Variants in RBM28 observed in about 807,000 individuals in gnomAD.
RBM28 encodes RNA-binding protein 28.
RBM28 carries 78 observed loss-of-function variants against 98.3 expected under a neutral mutation model. That is an observed-to-expected ratio of 0.79 (90% CI 0.66 to 0.96). RBM28 has a LOEUF of 0.96. Among genes scored for constraint, RBM28 ranks in the 40% least tolerant of loss-of-function variants. The pLI is 0.00. For missense variants in RBM28, 838 were observed against 913.0 expected (o/e 0.92, Z 1.06); for synonymous variants, 306 against 330.9 (o/e 0.92, Z 0.82).
chr7:128,310,707 C>A lies in RBM28; in HGVS notation c.*90G>T. 6.5e-7 allele frequency: 1 copy of A among 1,548,540 alleles called. No individual in the cohort carries two copies. Among genetic ancestry groups the A allele is most frequent in the South Asian group, 1.1e-5 (1 of 89,680 alleles). ...GCAGTGCCCTTGGGGATTTTCTTTC[C>A]CTCAGTGAGAGACACGGGGGATGGG... On this transcript the variant is annotated 3_prime_UTR_variant, in exon 19 of 19. Transcript: ENST00000223073.
In RBM28 at chr7:128,318,137, T is replaced by C. The variant is rs762231412; in HGVS notation, c.1564-31A>G. On this transcript the variant is annotated intron_variant, in intron 14 of 18. Coordinates refer to ENST00000223073, the MANE Select transcript of RBM28 (RefSeq NM_018077.3). Reference sequence around the variant, plus strand: ...AGTAGAGCAAGAAAAAAATCAGTAATTACAGAATGAGAAGACTTGCCTGAC... The same window carrying C: ...AGTAGAGCAAGAAAAAAATCAGTAACTACAGAATGAGAAGACTTGCCTGAC... The C allele has an allele frequency of 7.6e-6, 12 of 1,586,386 alleles. 1 individual carries two copies. The Admixed American group carries it at 1.2e-4, about 16-fold the overall frequency.
At chr7:128,339,814 G>C (rs1187159709) in intron 1 of RBM28, 23 bp from the exon 2 acceptor site, 5 of 1,611,254 alleles carry the variant, frequency 3.1e-6, no homozygotes, top group Non-Finnish European at 4.2e-6. Flanking sequence ...AGTGGGGAGG[G>C]AGTGGAGGGG....
At position 128,310,697 on chromosome 7, in the gene RBM28, A is replaced by AT. The variant is rs556690029; in HGVS notation, c.*99dup. 3,595 of 1,508,430 alleles carry AT rather than the reference A, an allele frequency of 2.4e-3. 67 individuals are homozygous for AT. In the South Asian group the frequency reaches 0.03, roughly 13 times the overall value. 93.4% of individuals were successfully genotyped at this position (1,508,430 alleles called of 1,614,324 possible). A position where few individuals can be genotyped will look rare whatever the true frequency, so the allele number is the denominator to read the frequency against. ...GAGCACAGTGGCAGTGCCCTTGGGG[A>AT]TTTTCTTTCCCTCAGTGAGAGACAC... On this transcript the variant is annotated 3_prime_UTR_variant, in exon 19 of 19. Transcript: ENST00000223073.
In RBM28 at chr7:128,302,634, G is replaced by A. The variant is rs1173193424; in HGVS notation, c.*8163C>T. ...TCAGACTCTCTTTTTTCACCTATTAGTATGTATATGAGTACATTTGGCTTG... is the reference window on the plus strand; with the variant it reads ...TCAGACTCTCTTTTTTCACCTATTAATATGTATATGAGTACATTTGGCTTG... On this transcript the variant is annotated 3_prime_UTR_variant, in exon 19 of 19. Coordinates refer to ENST00000223073, the MANE Select transcript of RBM28 (RefSeq NM_018077.3). 1.3e-5 allele frequency: 2 copies of A among 152,054 alleles called. No individual in the cohort carries two copies. The highest frequency in any genetic ancestry group is 6.5e-5 in the Admixed American group (1 of 15,276). The allele number at this position is 152,054 out of a possible 1,614,324, so 9.4% of individuals were successfully genotyped here.
chr7:128,322,201 T>C (rs1796251528), intron 13 of RBM28, among the ~76,000 whole-genome samples: 1 of 152,208 alleles, frequency 6.6e-6, no homozygotes, highest in Non-Finnish European at 1.5e-5. Context: ...AAAGAATACT[T>C]GACAGAATGC....
chr7:128,340,609 A>C (rs1051931211), intron 1 of RBM28, among the ~76,000 whole-genome samples: 6 of 152,228 alleles, frequency 3.9e-5, no homozygotes, highest in Non-Finnish European at 7.3e-5. Flanking sequence ...AGCTTCAAAA[A>C]TCAGAACACA....
At chr7:128,322,962 T>A (rs1796268662) in intron 13 of RBM28, among the ~76,000 whole-genome samples, 1 of 152,130 alleles carries the variant, frequency 6.6e-6, no homozygotes, top group African/African-American at 2.4e-5. Flanking sequence ...TTTTTGAAAG[T>A]AAGTTATATG....
intron 1 of RBM28, 99 bp downstream of exon 1, chr7:128,343,577 C>T: frequency 1.2e-6 from 1 of 837,742 alleles, no homozygotes; most frequent in Non-Finnish European, 1.9e-6. Flanking sequence ...TGTCCCTTCT[C>T]TTCGGGGAGG....
chr7:128,325,783 C>T (rs755647569), intron 11 of RBM28, 35 bp downstream of exon 11: 5 of 1,535,544 alleles, frequency 3.3e-6, no homozygotes, highest in Admixed American at 3.3e-5. Context: ...CAAACTGCCT[C>T]CTGTGTTATA....
intron 17 of RBM28, among the ~76,000 whole-genome samples, chr7:128,313,711 C>T (rs1467576270): frequency 3.3e-5 from 5 of 152,180 alleles, no homozygotes; most frequent in Admixed American, 3.3e-4. Context: ...TGGGAGGTGA[C>T]TGGATCATGG....
intron 1 of RBM28, among the ~76,000 whole-genome samples, chr7:128,340,552 C>G (rs1249372446): frequency 6.6e-6 from 1 of 152,186 alleles, no homozygotes; most frequent in African/African-American, 2.4e-5. Flanking sequence ...TACCTAGTTT[C>G]AGGTATTCTC....
chr7:128,305,060 G>A lies in RBM28; in HGVS notation c.*5737C>T, dbSNP rs941736387. On this transcript the variant is annotated 3_prime_UTR_variant, in exon 19 of 19. Coordinates refer to ENST00000223073, the MANE Select transcript of RBM28 (RefSeq NM_018077.3). The stretch of plus-strand genomic sequence containing the variant: ...GCCTGTAATCCCAGCTACTCCGGAG[G>A]CTGAGGAAGAACTGCTTGAACCTGG... The A allele has an allele frequency of 5.3e-5, 8 of 152,134 alleles. No homozygotes were observed. Among genetic ancestry groups the A allele is most frequent in the East Asian group, 1.9e-4 (1 of 5,176 alleles). The allele number at this position is 152,134 out of a possible 1,614,324, so 9.4% of individuals were successfully genotyped here. A position where few individuals can be genotyped will look rare whatever the true frequency, so the allele number is the denominator to read the frequency against.
intron 8 of RBM28, among the ~76,000 whole-genome samples, chr7:128,334,166 CTGTT>C (rs1166469321): frequency 3.3e-5 from 5 of 152,208 alleles, no homozygotes; most frequent in Admixed American, 6.5e-5. Flanking sequence ...GGGAGACTCA[CTGTT>C]TGTTTTCAAG....
rs1355264751 is a variant in RBM28, at chr7:128,303,613, G to C, written c.*7184C>G. Reference sequence around the variant, plus strand: ...GCCCCACCCACAGGCAGCTGCTCCAGGTGTCGTTTAAGGGCTCCAAATTCC... The same window carrying C: ...GCCCCACCCACAGGCAGCTGCTCCACGTGTCGTTTAAGGGCTCCAAATTCC... On this transcript the variant is annotated 3_prime_UTR_variant, in exon 19 of 19. Coordinates refer to ENST00000223073, the MANE Select transcript of RBM28 (RefSeq NM_018077.3). 1 of 152,234 alleles carries C rather than the reference G, an allele frequency of 6.6e-6. No individual in the cohort carries two copies. Among genetic ancestry groups the C allele is most frequent in the African/African-American group, 2.4e-5 (1 of 41,430 alleles). 9.4% of individuals were successfully genotyped at this position (152,234 alleles called of 1,614,324 possible).
At chr7:128,320,182 A>G (rs1446744791) in intron 14 of RBM28, among the ~76,000 whole-genome samples, 1 of 144,684 alleles carries the variant, frequency 6.9e-6, no homozygotes, top group African/African-American at 2.6e-5. Flanking sequence ...ATGCCACTGC[A>G]CTCCAGCTTA....
intron 10 of RBM28, among the ~76,000 whole-genome samples, chr7:128,327,641 C>T (rs1299886419): frequency 1.3e-5 from 2 of 152,094 alleles, no homozygotes; most frequent in Non-Finnish European, 2.9e-5. Flanking sequence ...GCTGAGATTA[C>T]AGGCAGGTGC....
At chr7:128,337,337 T>A in intron 5 of RBM28, 135 bp from the exon 6 acceptor site, 1 of 855,736 alleles carries the variant, frequency 1.2e-6, no homozygotes, top group Non-Finnish European at 1.9e-6. Context: ...ATGCTGGTCT[T>A]AAAATAAAGC....
chr7:128,318,742 A>G (rs1041840981), intron 14 of RBM28, among the ~76,000 whole-genome samples: 5 of 152,128 alleles, frequency 3.3e-5, no homozygotes, highest in African/African-American at 4.8e-5. Context: ...TACAAACACA[A>G]CTGTTTGCGA....
intron 3 of RBM28, 109 bp from the exon 4 acceptor site, chr7:128,338,910 T>C (rs946179736): frequency 4.5e-6 from 4 of 897,186 alleles, no homozygotes; most frequent in Non-Finnish European, 5.4e-6. Context: ...GTTTACTTTT[T>C]TTTATTTTTG....
Sources: gnomAD v4.1 joint callset for allele counts (sites outside exome capture counted in the v4.1 genomes callset) on GRCh38, gnomAD v4.1.1 for gene constraint, MANE v1.5 for transcripts, NCBI Gene and HGNC (gene_info 2026-07-23, HGNC 2026-07-21) for gene names.